MBD5: variants seen among roughly 807,000 people sequenced by gnomAD.
MBD5 encodes methyl-CpG binding domain protein 5, also known as methyl-CpG-binding domain protein 5.
A neutral mutation model predicts 117.3 loss-of-function variants in MBD5; 13 were observed. The ratio of observed to expected loss-of-function variants is 0.11; its 90% CI spans 0.07 to 0.18. The LOEUF is 0.18. Among genes scored for constraint, MBD5 ranks in the 10% least tolerant of loss-of-function variants. The pLI, the probability that MBD5 is intolerant of heterozygous loss-of-function variation, is 1.00. For synonymous variants in MBD5, 727 were observed against 766.4 expected, an observed-to-expected ratio of 0.95 and a Z score of 0.85; for missense variants, 1,879 against 2,093.8, an observed-to-expected ratio of 0.90 and a Z score of 2.00.
intron 4 of MBD5, among the ~76,000 whole-genome samples, chr2:148,394,768 CTG>C (rs1159769169): frequency 6.6e-6 from 1 of 151,934 alleles, no homozygotes; most frequent in East Asian, 1.9e-4. Flanking sequence ...TGTGCTTGCT[CTG>C]TGCCTCTCTT....
intron 2 of MBD5, among the ~76,000 whole-genome samples, chr2:148,224,287 C>T (rs753756534): frequency 5.3e-5 from 8 of 152,004 alleles, no homozygotes; most frequent in Admixed American, 2.6e-4. Flanking sequence ...TCCATCTGGA[C>T]GATATGTCTC....
chr2:148,199,197 A>T (rs977093468), intron 2 of MBD5, among the ~76,000 whole-genome samples: 1 of 152,136 alleles, frequency 6.6e-6, no homozygotes, highest in Non-Finnish European at 1.5e-5. Flanking sequence ...AGGCCTTTCA[A>T]CTGAGTAGAT....
chr2:148,127,365 C>T (rs915437564), intron 1 of MBD5, among the ~76,000 whole-genome samples: 1 of 152,150 alleles, frequency 6.6e-6, no homozygotes, highest in South Asian at 2.1e-4. Context: ...CATCCATTAG[C>T]TATTCTTCCT....
chr2:148,128,177 G>A lies in MBD5; in HGVS notation c.-924-50523G>A, dbSNP rs569462491. On this transcript the variant is annotated intron_variant, in intron 1 of 13. Transcript: ENST00000642680. ...GCAAAAGCTTTCTCCCATTCTGTAC[G>A]TTGTCTGTTCACTCTGATAATAGTT... Among the ~76,000 whole-genome samples the A allele has an allele frequency of 2.2e-4, 34 of 152,200 alleles. 1 individual carries two copies. In the South Asian group the frequency reaches 3.3e-3, roughly 15 times the overall value.
At chr2:148,485,080 A>G (rs1681293586) in intron 9 of MBD5, 1 of 152,200 alleles carries the variant, frequency 6.6e-6, no homozygotes, top group African/African-American at 2.4e-5. Context: ...AAAATGTCAG[A>G]GTAATTTCAA....
chr2:148,225,610 T>C (rs892367122), intron 2 of MBD5, among the ~76,000 whole-genome samples: 2 of 152,194 alleles, frequency 1.3e-5, no homozygotes, highest in Non-Finnish European at 2.9e-5. Context: ...CTGATCAAAA[T>C]ACTCCCTTTA....
At chr2:148,355,134 T>A (rs1026031286) in intron 4 of MBD5, among the ~76,000 whole-genome samples, 1 of 152,108 alleles carries the variant, frequency 6.6e-6, no homozygotes, top group African/African-American at 2.4e-5. Flanking sequence ...TTTTTTTTCT[T>A]GTAAATTTTT....
At chr2:148,221,255 C>A (rs1215466564) in intron 2 of MBD5, among the ~76,000 whole-genome samples, 2 of 152,024 alleles carry the variant, frequency 1.3e-5, no homozygotes, top group African/African-American at 2.4e-5. Context: ...GATAACTCTT[C>A]GATACGCTGA....
intron 3 of MBD5, among the ~76,000 whole-genome samples, chr2:148,273,711 T>C (rs1439055447): frequency 6.6e-6 from 1 of 152,220 alleles, no homozygotes; most frequent in African/African-American, 2.4e-5. Flanking sequence ...GAGGCAGACT[T>C]GACAATTATC....
intron 4 of MBD5, among the ~76,000 whole-genome samples, chr2:148,434,317 G>T (rs1706089412): frequency 6.6e-6 from 1 of 151,736 alleles, no homozygotes; most frequent in African/African-American, 2.4e-5. Flanking sequence ...TTTTTTCAAA[G>T]AAACAAATTC....
chr2:148,154,764 G>A (rs534504072), intron 1 of MBD5, among the ~76,000 whole-genome samples: 11 of 152,282 alleles, frequency 7.2e-5, no homozygotes, highest in South Asian at 6.2e-4. Flanking sequence ...CTTCCCAAGT[G>A]AGGCAATGCC....
chr2:148,449,740 G>A (rs1175404485), intron 4 of MBD5, among the ~76,000 whole-genome samples: 1 of 151,968 alleles, frequency 6.6e-6, no homozygotes, highest in African/African-American at 2.4e-5. Context: ...AAAACAGAAA[G>A]AGAAATAATA....
At chr2:148,100,556 C>A (rs1696180757) in intron 1 of MBD5, among the ~76,000 whole-genome samples, 1 of 152,108 alleles carries the variant, frequency 6.6e-6, no homozygotes, top group Admixed American at 6.5e-5. Context: ...AACTTGAGGA[C>A]TAGGAGGCTG....
At chr2:148,128,260 T>A (rs1696950000) in intron 1 of MBD5, among the ~76,000 whole-genome samples, 1 of 152,356 alleles carries the variant, frequency 6.6e-6, no homozygotes, top group Middle Eastern at 3.4e-3. Flanking sequence ...AATTTTTGCT[T>A]AACACAGTGC....
At chr2:148,447,242 G>GGA (rs1380360605) in intron 4 of MBD5, among the ~76,000 whole-genome samples, 5 of 123,954 alleles carry the variant, frequency 4.0e-5, no homozygotes, top group African/African-American at 1.2e-4. Context: ...AAAGGGAAAG[G>GGA]AGGGAGGGAG....
At chr2:148,154,938 G>A (rs200712987) in intron 1 of MBD5, among the ~76,000 whole-genome samples, 28 of 152,180 alleles carry the variant, frequency 1.8e-4, no homozygotes, top group East Asian at 1.3e-3. Context: ...ATTCCTATTC[G>A]GCCATCTTGG....
chr2:148,294,505 T>TTTTTTTTTTG (rs1201477284), intron 3 of MBD5, among the ~76,000 whole-genome samples: 4 of 29,800 alleles, frequency 1.3e-4, no homozygotes, highest in African/African-American at 2.8e-4. Context: ...ATTACAGTTT[T>TTTTTTTTTTG]TTTTTTTTTT....
rs750939401 is a variant in MBD5 at position 148,485,787 on chromosome 2, C to A, written c.3590C>A (p.Thr1197Asn). 8.7e-6 allele frequency: 14 copies of A among 1,613,854 alleles called. No individual in the cohort carries two copies. The highest frequency in any genetic ancestry group is 5.0e-5 in the Admixed American group (3 of 59,984). Residue 1197 changes from threonine to asparagine, a missense_variant, in exon 10 of 14, where the codon ACT becomes AAT. Transcript: ENST00000642680. ...INNTLSNHQL[T>N]HLQSLLNNNQ... ...AATACTTTGAGTAACCATCAACTGACTCATCTACAGTCGCTGTTAAACAAC... is the reference window on the plus strand; with the variant it reads ...AATACTTTGAGTAACCATCAACTGAATCATCTACAGTCGCTGTTAAACAAC...
Position 148,458,670 on chromosome 2 carries a change from G to C in MBD5, c.-89G>C. 1 of 1,141,334 alleles carries C rather than the reference G, an allele frequency of 8.8e-7. No homozygotes were observed. The highest frequency in any genetic ancestry group is 1.3e-6 in the Non-Finnish European group (1 of 753,516). 70.7% of individuals were successfully genotyped at this position (1,141,334 alleles called of 1,614,324 possible). On this transcript the variant is annotated 5_prime_UTR_variant, in exon 5 of 14. Transcript: ENST00000642680. ...AGTCTGGGAAAAACTGTGCTGCACT[G>C]GCCCACTTTTGAAGGCCATCATGCT...
Sources: allele counts gnomAD v4.1 joint callset (sites outside exome capture counted in the v4.1 genomes callset), GRCh38; gene constraint gnomAD v4.1.1; transcripts MANE v1.5; gene names NCBI Gene and HGNC (gene_info 2026-07-23, HGNC 2026-07-21).